The following LARP4 variants were observed in gnomAD, a reference collection of about 807,000 sequenced individuals.
LARP4 encodes La ribonucleoprotein 4.
In LARP4, 29 loss-of-function variants were observed where a neutral mutation model predicts 92.9. The observed-to-expected ratio is 0.31, with a 90% CI of 0.23 to 0.43. The LOEUF is 0.43. Ranked by LOEUF, LARP4 falls within the 20% of genes least tolerant of loss-of-function variation. The pLI, the probability that LARP4 is intolerant of heterozygous loss-of-function variation, is 1.00. For synonymous variants in LARP4, 279 were observed against 284.1 expected, an observed-to-expected ratio of 0.98 and a Z score of 0.18; for missense variants, 732 against 860.0, an observed-to-expected ratio of 0.85 and a Z score of 1.86.
chr12:50,414,569 C>G (rs1433160309), intron 1 of LARP4, among the ~76,000 whole-genome samples: 1 of 152,174 alleles, frequency 6.6e-6, no homozygotes, highest in Non-Finnish European at 1.5e-5. Context: ...TCCAGAAGTG[C>G]TGGGATTACA....
intron 1 of LARP4, among the ~76,000 whole-genome samples, chr12:50,405,763 G>C (rs1343519167): frequency 1.3e-5 from 2 of 152,126 alleles, no homozygotes; most frequent in Admixed American, 6.6e-5. Flanking sequence ...GAAGACAGTT[G>C]TCCCTCAGTA....
intron 1 of LARP4, among the ~76,000 whole-genome samples, chr12:50,426,681 T>TGGGGGG (rs200197282): frequency 9.1e-6 from 1 of 109,328 alleles, no homozygotes; most frequent in African/African-American, 4.1e-5. Flanking sequence ...GCATTATGTT[T>TGGGGGG]GGGGTGTGTG....
intron 2 of LARP4, 87 bp downstream of exon 2, chr12:50,427,996 T>TC (rs1204809466): frequency 2.8e-6 from 2 of 704,988 alleles, no homozygotes; most frequent in African/African-American, 1.9e-5. Context: ...CACATCTCTT[T>TC]TTTTTTTTTT....
At position 50,457,619 on chromosome 12, in the gene LARP4, A is replaced by G. The variant is rs1382109125; in HGVS notation, c.1121+3202A>G. Among the ~76,000 whole-genome samples the G allele has an allele frequency of 2.0e-5, 3 of 152,078 alleles. No homozygotes were observed. The East Asian group carries it at 5.8e-4, about 29-fold the overall frequency. ...ACTTGATCTCATGAGTTGGAGACCA[A>G]CCTAGGCAACAGAGTGAAACCTCGT... On this transcript the variant is annotated intron_variant, in intron 10 of 15. Coordinates refer to ENST00000398473, the MANE Select transcript of LARP4 (RefSeq NM_052879.5).
intron 1 of LARP4, among the ~76,000 whole-genome samples, chr12:50,414,307 T>C (rs555877722): frequency 2.0e-5 from 3 of 152,260 alleles, no homozygotes; most frequent in East Asian, 3.9e-4. Context: ...GTTGTTGTTG[T>C]TGTTGTGTTC....
intron 1 of LARP4, 170 bp downstream of exon 1, chr12:50,401,198 CA>C: frequency 5.4e-6 from 4 of 740,982 alleles, no homozygotes; most frequent in Admixed American, 2.0e-5. Context: ...TGCGCGCTCA[CA>C]ACACTCTAGG....
chr12:50,474,215 A>ATTT, intron 15 of LARP4, 48 bp downstream of exon 15: 19 of 1,176,814 alleles, frequency 1.6e-5, no homozygotes, highest in Non-Finnish European at 2.2e-5. Context: ...AATAGATTAG[A>ATTT]TTTTTTTTTT....
intron 12 of LARP4, among the ~76,000 whole-genome samples, chr12:50,464,990 C>G (rs986512528): frequency 6.6e-6 from 1 of 152,140 alleles, no homozygotes; most frequent in Non-Finnish European, 1.5e-5. Flanking sequence ...GCACTCAGCC[C>G]AACAATTCTT....
At chr12:50,412,810 C>T (rs1946131307) in intron 1 of LARP4, among the ~76,000 whole-genome samples, 1 of 152,124 alleles carries the variant, frequency 6.6e-6, no homozygotes. Context: ...GTTTAGCATG[C>T]ATTTGGACAG....
In LARP4 at chr12:50,467,136, C is replaced by G. The variant is rs575595451; in HGVS notation, c.1545+16C>G. The G allele has an allele frequency of 6.3e-7, 1 of 1,581,970 alleles. No individual in the cohort carries two copies. The highest frequency in any genetic ancestry group is 8.7e-7 in the Non-Finnish European group (1 of 1,155,168). On this transcript the variant is annotated intron_variant, in intron 13 of 15. Coordinates refer to ENST00000398473, the MANE Select transcript of LARP4 (RefSeq NM_052879.5). ...CAAAGAAAAGGTAAACACCCAGCAT[C>G]TGAGTCTTACCTTATGAGACCATAT...
chr12:50,440,296 A>G, intron 6 of LARP4, 143 bp from the exon 7 acceptor site: 1 of 627,400 alleles, frequency 1.6e-6, no homozygotes, highest in Non-Finnish European at 2.9e-6. Flanking sequence ...GCCCATCCTC[A>G]GTGGAAAAAT....
intron 6 of LARP4, 60 bp from the exon 7 acceptor site, chr12:50,440,379 C>T (rs556278277): frequency 2.4e-6 from 3 of 1,246,988 alleles, no homozygotes; most frequent in Admixed American, 1.7e-5. Flanking sequence ...AACAAACCAA[C>T]AAAAAATGCC....
At chr12:50,459,488 C>G (rs1401146650) in intron 10 of LARP4, among the ~76,000 whole-genome samples, 1 of 152,020 alleles carries the variant, frequency 6.6e-6, no homozygotes, top group Non-Finnish European at 1.5e-5. Context: ...TTTTGCCCTT[C>G]CTTCGCCCCC....
At chr12:50,428,736 A>G (rs1192479765) in intron 2 of LARP4, among the ~76,000 whole-genome samples, 199 bp from the exon 3 acceptor site, 2 of 152,218 alleles carry the variant, frequency 1.3e-5, no homozygotes, top group African/African-American at 2.4e-5. Context: ...CGTTTTAGCA[A>G]TTGTTGATCA....
chr12:50,466,842 G>C, intron 12 of LARP4, 117 bp from the exon 13 acceptor site: 1 of 882,036 alleles, frequency 1.1e-6, no homozygotes, highest in South Asian at 1.9e-5. Context: ...ATACAGTTCT[G>C]TGCATTATAG....
chr12:50,407,576 G>A (rs1209002763), intron 1 of LARP4, among the ~76,000 whole-genome samples: 1 of 152,164 alleles, frequency 6.6e-6, no homozygotes, highest in African/African-American at 2.4e-5. Context: ...TGGGCGGGGT[G>A]ACTCATGCCT....
At chr12:50,461,513 A>G in intron 11 of LARP4, 166 bp downstream of exon 11, 1 of 733,580 alleles carries the variant, frequency 1.4e-6, no homozygotes, top group South Asian at 1.9e-5. Context: ...TTTTATAATT[A>G]TTAAGAAATA....
chr12:50,401,138 G>C, intron 1 of LARP4, 110 bp downstream of exon 1: 1 of 1,258,670 alleles, frequency 7.9e-7, no homozygotes, highest in Admixed American at 1.7e-5. Context: ...CGCGGAACCG[G>C]CAGATAGGCT....
chr12:50,429,171 A>G, intron 3 of LARP4, 81 bp downstream of exon 3: 1 of 944,568 alleles, frequency 1.1e-6, no homozygotes, highest in Non-Finnish European at 1.6e-6. Context: ...ACTTGTTCTG[A>G]TAAACCTATG....
Sources: allele counts gnomAD v4.1 joint callset (sites outside exome capture counted in the v4.1 genomes callset), GRCh38; gene constraint gnomAD v4.1.1; transcripts MANE v1.5; gene names NCBI Gene and HGNC (gene_info 2026-07-23, HGNC 2026-07-21).